Variants in BCAS1 observed in about 807,000 individuals in gnomAD.
BCAS1 encodes the protein breast carcinoma-amplified sequence 1.
In BCAS1, 46 loss-of-function variants were observed where a neutral mutation model predicts 65.4. The ratio of observed to expected loss-of-function variants is 0.70; its 90% confidence interval spans 0.55 to 0.90. The LOEUF is 0.90. Among genes scored for constraint, BCAS1 ranks in the 40% least tolerant of loss-of-function variants. The pLI is 0.00. For missense variants in BCAS1, 793 were observed against 771.2 expected (o/e 1.03, Z -0.33); for synonymous variants, 298 against 293.5 (o/e 1.02, Z -0.16).
At chr20:53,962,622 A>T (rs1568816034) in intron 10 of BCAS1, among the ~76,000 whole-genome samples, 2 of 152,062 alleles carry the variant, frequency 1.3e-5, no homozygotes, top group Non-Finnish European at 2.9e-5. Context: ...CAGCACTTCA[A>T]ATATTCAATT....
intron 3 of BCAS1, among the ~76,000 whole-genome samples, chr20:54,043,023 T>C (rs1331664686): frequency 1.3e-5 from 2 of 152,234 alleles, no homozygotes; most frequent in African/African-American, 4.8e-5. Flanking sequence ...GCTTTTCTTT[T>C]TATATCACCT....
Position 53,966,891 on chromosome 20 carries a change from A to C in BCAS1, c.1485+15T>G. ...AGGTATCTTAGGTTTCCTATACTGG[A>C]AGTAAGGGGCTTACCATTTGTCTGA... is the stretch of plus-strand genomic sequence containing the variant. On this transcript the variant is annotated intron_variant, in intron 10 of 12. Coordinates refer to ENST00000688948, the MANE Select transcript of BCAS1 (RefSeq NM_001366298.2). 3.1e-6 allele frequency: 5 copies of C among 1,594,178 alleles called. No homozygotes were observed. Among genetic ancestry groups the C allele is most frequent in the Non-Finnish European group, 4.3e-6 (5 of 1,173,420 alleles).
intron 4 of BCAS1, among the ~76,000 whole-genome samples, chr20:53,996,461 TAAAAA>T (rs143929524): frequency 0.092 from 8,506 of 92,178 alleles, 306 homozygotes; most frequent in African/African-American, 0.16. Flanking sequence ...TTATATCAAC[TAAAAA>T]AAAAAAAAAA....
At chr20:53,965,953 C>A (rs1163759142) in intron 10 of BCAS1, among the ~76,000 whole-genome samples, 1 of 151,460 alleles carries the variant, frequency 6.6e-6, no homozygotes, top group Non-Finnish European at 1.5e-5. Flanking sequence ...GACGCAACCA[C>A]AATTAAAAGG....
In BCAS1 at chr20:53,957,914, A is replaced by G. The variant is rs370787848; in HGVS notation, c.1486-417T>C. On this transcript the variant is annotated intron_variant, in intron 10 of 12. Transcript: ENST00000688948. Reference sequence around the variant, plus strand: ...TTTTTTTTCTCTCCTTGATAGAGATATGAGTTTTGTTTAATATTTCATTTT... The same window carrying G: ...TTTTTTTTCTCTCCTTGATAGAGATGTGAGTTTTGTTTAATATTTCATTTT... Among the ~76,000 whole-genome samples the G allele has an allele frequency of 8.6e-5, 13 of 150,670 alleles. No homozygotes were observed. In the East Asian group the frequency reaches 2.1e-3, roughly 25 times the overall value.
chr20:54,016,184 T>A (rs71323983), intron 4 of BCAS1, among the ~76,000 whole-genome samples: 1,969 of 152,324 alleles, frequency 0.013, 19 homozygotes, highest in Middle Eastern at 0.088. Flanking sequence ...GTTTACGGTG[T>A]CTAGTGTAAG....
chr20:54,038,190 C>T (rs937998677), intron 3 of BCAS1, among the ~76,000 whole-genome samples: 5 of 151,278 alleles, frequency 3.3e-5, no homozygotes, highest in Admixed American at 1.3e-4. Context: ...GAAATATTTT[C>T]GCTAAGATCT....
chr20:54,034,687 T>A (rs1332741787), intron 3 of BCAS1, among the ~76,000 whole-genome samples: 1 of 151,370 alleles, frequency 6.6e-6, no homozygotes, highest in African/African-American at 2.4e-5. Context: ...AGAATCAATA[T>A]CATTAAAATG....
chr20:53,960,486 AAAAAAAAAAAG>A (rs1378695661), intron 10 of BCAS1, among the ~76,000 whole-genome samples: 2 of 139,774 alleles, frequency 1.4e-5, no homozygotes, highest in African/African-American at 5.4e-5. Context: ...AAAAAAAAAA[AAAAAAAAAAAG>A]AGAGAGAGAG....
chr20:53,980,562 A>G lies in BCAS1; in HGVS notation c.1275+4725T>C, dbSNP rs545797339. Among the ~76,000 whole-genome samples, 4 of 152,342 alleles carry G rather than the reference A, an allele frequency of 2.6e-5. No homozygotes were observed. The South Asian group carries it at 8.3e-4, about 32-fold the overall frequency. On this transcript the variant is annotated intron_variant, in intron 8 of 12. Coordinates refer to ENST00000688948, the MANE Select transcript of BCAS1 (RefSeq NM_001366298.2). ...TGTTGTATTCCAAGCTAGTATTCAA[A>G]TGGAAACCAATCTTCTTTAATTTCT...
At chr20:53,952,290 T>C (rs2089552026) in intron 12 of BCAS1, among the ~76,000 whole-genome samples, 2 of 152,242 alleles carry the variant, frequency 1.3e-5, no homozygotes, top group African/African-American at 2.4e-5. Context: ...AGATACAGCC[T>C]TGAACCTGAA....
rs181911615 is a variant in BCAS1, at chr20:54,040,121, T to C, written c.143-11149A>G. ...CACATTGTTTTTTCCATTTCCACTATAGTGGAATAAACTTTCGTGTTCAAA... is the reference window on the plus strand; with the variant it reads ...CACATTGTTTTTTCCATTTCCACTACAGTGGAATAAACTTTCGTGTTCAAA... On this transcript the variant is annotated intron_variant, in intron 3 of 12. Coordinates refer to ENST00000688948, the MANE Select transcript of BCAS1 (RefSeq NM_001366298.2). Among the ~76,000 whole-genome samples the C allele has an allele frequency of 4.4e-4, 66 of 151,612 alleles. 2 individuals carry two copies. Among genetic ancestry groups the C allele is most frequent in the African/African-American group, 1.6e-3 (65 of 41,500 alleles).
Position 53,966,981 on chromosome 20 carries a change from A to C in BCAS1, c.1410T>G (p.Pro470=), listed in dbSNP as rs1287195090. 3 of 1,613,206 alleles carry C rather than the reference A, an allele frequency of 1.9e-6. No homozygotes were observed. The African/African-American group carries it at 4.0e-5, about 22-fold the overall frequency. ...TVDLNEGDAA[P]EPTEAKLKRE... The stretch of plus-strand genomic sequence containing the variant: ...TTTTGAGTTTCGCTTCTGTGGGTTC[A>C]GGTGCAGCATCTCCTTCGTTGAGGT... Residue 470 remains proline, a synonymous_variant, in exon 10 of 13, where the codon CCT becomes CCG. Transcript: ENST00000688948.
chr20:53,993,770 A>G (rs566441558), intron 6 of BCAS1, among the ~76,000 whole-genome samples: 1 of 152,374 alleles, frequency 6.6e-6, no homozygotes, highest in South Asian at 2.1e-4. Flanking sequence ...GAGCAAATGA[A>G]TAACTTTATA....
intron 3 of BCAS1, among the ~76,000 whole-genome samples, chr20:54,048,668 A>C (rs1414289324): frequency 6.6e-6 from 1 of 152,224 alleles, no homozygotes; most frequent in African/African-American, 2.4e-5. Flanking sequence ...CTGCTGTACC[A>C]AATTTAGAAC....
At chr20:54,039,692 T>G (rs1255628164) in intron 3 of BCAS1, among the ~76,000 whole-genome samples, 2 of 150,388 alleles carry the variant, frequency 1.3e-5, no homozygotes, top group Non-Finnish European at 3.0e-5. Flanking sequence ...ATTTGATTTT[T>G]TTTATAAATC....
At chr20:54,065,521 C>G (rs1056658451) in intron 1 of BCAS1, among the ~76,000 whole-genome samples, 6 of 152,258 alleles carry the variant, frequency 3.9e-5, no homozygotes, top group African/African-American at 1.4e-4. Flanking sequence ...TGCTACATAC[C>G]CTGCAATGCC....
chr20:53,958,147 G>A (rs1000802505), intron 10 of BCAS1, among the ~76,000 whole-genome samples: 1 of 152,176 alleles, frequency 6.6e-6, no homozygotes, highest in Non-Finnish European at 1.5e-5. Flanking sequence ...TTCAGAGGCA[G>A]AGGCTCAATG....
chr20:54,033,325 C>T (rs1192859977), intron 3 of BCAS1, among the ~76,000 whole-genome samples: 1 of 149,168 alleles, frequency 6.7e-6, no homozygotes, highest in East Asian at 1.9e-4. Flanking sequence ...GAGATTGAGA[C>T]ATGAAAAACC....
Sources: allele counts gnomAD v4.1 joint callset (sites outside exome capture counted in the v4.1 genomes callset), GRCh38; gene constraint gnomAD v4.1.1; transcripts MANE v1.5; gene names NCBI Gene and HGNC (gene_info 2026-07-23, HGNC 2026-07-21).